PDE4D: variants seen among roughly 807,000 people sequenced by gnomAD.
The protein encoded by PDE4D is 3',5'-cyclic-AMP phosphodiesterase 4D.
In PDE4D, 24 loss-of-function variants were observed where a neutral mutation model predicts 87.4. The ratio of observed to expected loss-of-function variants is 0.27; its 90% CI spans 0.20 to 0.39. The LOEUF is 0.39. Among genes scored for constraint, PDE4D ranks in the 10% least tolerant of loss-of-function variants. PDE4D has a pLI of 1.00. For missense variants in PDE4D, 714 were observed against 1,041.0 expected, an observed-to-expected ratio of 0.69 and a Z score of 4.32; for synonymous variants, 384 against 383.2, an observed-to-expected ratio of 1.00 and a Z score of -0.02.
chr5:59,414,369 G>C (rs1793224045), intron 1 of PDE4D, among the ~76,000 whole-genome samples: 2 of 152,218 alleles, frequency 1.3e-5, no homozygotes, highest in South Asian at 4.1e-4. Context: ...ATTGCATCAT[G>C]CTCCGCAGTC....
intron 3 of PDE4D, among the ~76,000 whole-genome samples, chr5:59,946,212 G>C (rs943812276): frequency 7.2e-5 from 11 of 152,210 alleles, no homozygotes. Flanking sequence ...TGCCACCCAA[G>C]TGCTGAGACT....
intron 6 of PDE4D, among the ~76,000 whole-genome samples, chr5:59,007,287 T>C (rs2153360416): frequency 6.6e-6 from 1 of 152,314 alleles, no homozygotes; most frequent in East Asian, 1.9e-4. Context: ...AAAGTCGTGG[T>C]AGTTATTAAT....
intron 1 of PDE4D, among the ~76,000 whole-genome samples, chr5:59,583,239 G>T (rs542525119): frequency 6.6e-6 from 1 of 152,240 alleles, no homozygotes; most frequent in East Asian, 1.9e-4. Context: ...CACTGTGTTA[G>T]GTCATTCATG....
chr5:59,153,494 T>A (rs1779735408), intron 5 of PDE4D, among the ~76,000 whole-genome samples: 2 of 152,174 alleles, frequency 1.3e-5, no homozygotes, highest in Admixed American at 1.3e-4. Flanking sequence ...GCCAAAGGGA[T>A]TAAGAGACAC....
chr5:59,728,302 A>T (rs369575957), intron 1 of PDE4D, among the ~76,000 whole-genome samples: 6 of 152,240 alleles, frequency 3.9e-5, no homozygotes, highest in African/African-American at 9.6e-5. Flanking sequence ...AAAATAATAC[A>T]ACTTATACAA....
intron 2 of PDE4D, among the ~76,000 whole-genome samples, chr5:60,047,155 A>G (rs894345555): frequency 3.3e-4 from 51 of 152,276 alleles, no homozygotes; most frequent in African/African-American, 1.2e-3. Context: ...TTATTTGCGT[A>G]GAGGTGTTTG....
intron 1 of PDE4D, among the ~76,000 whole-genome samples, chr5:60,409,827 C>T (rs1168888209): frequency 2.0e-5 from 3 of 152,164 alleles, no homozygotes; most frequent in Non-Finnish European, 2.9e-5. Context: ...AAGATTTGGC[C>T]TAGAAGAGTG....
chr5:60,051,075 C>G (rs1476849473), intron 2 of PDE4D, among the ~76,000 whole-genome samples: 1 of 152,110 alleles, frequency 6.6e-6, no homozygotes, highest in Non-Finnish European at 1.5e-5. Flanking sequence ...CTTTTAGACT[C>G]CCACACAATA....
intron 5 of PDE4D, among the ~76,000 whole-genome samples, chr5:59,042,025 G>A (rs537254005): frequency 3.3e-5 from 5 of 151,956 alleles, no homozygotes; most frequent in African/African-American, 1.2e-4. Flanking sequence ...GATAAAATGG[G>A]GTAAGCATAT....
At chr5:59,157,391 G>T in intron 5 of PDE4D, 1 of 702,012 alleles carries the variant, frequency 1.4e-6, no homozygotes, top group South Asian at 1.5e-5. Flanking sequence ...GCAAACAAGT[G>T]ATCCGAAGAC....
chr5:60,520,275 C>G (rs985975932), intron 1 of PDE4D, among the ~76,000 whole-genome samples: 3 of 152,174 alleles, frequency 2.0e-5, no homozygotes, highest in African/African-American at 7.2e-5. Flanking sequence ...GTACCCCAAC[C>G]CACCCCATTT....
At chr5:60,408,496 A>G (rs986666826) in intron 1 of PDE4D, among the ~76,000 whole-genome samples, 2 of 152,184 alleles carry the variant, frequency 1.3e-5, no homozygotes, top group African/African-American at 4.8e-5. Context: ...TAGAAAGTAC[A>G]TATGTGACCT....
chr5:60,034,134 C>T (rs1200759992), intron 2 of PDE4D, among the ~76,000 whole-genome samples: 1 of 152,098 alleles, frequency 6.6e-6, no homozygotes, highest in Non-Finnish European at 1.5e-5. Flanking sequence ...GAAGGAAAAG[C>T]AGATATGTAA....
chr5:59,474,311 C>T (rs191475719), intron 1 of PDE4D, among the ~76,000 whole-genome samples: 63 of 152,182 alleles, frequency 4.1e-4, no homozygotes, highest in South Asian at 1.2e-3. Context: ...AAAAATAAGA[C>T]TCAAACCCTC....
At chr5:60,055,021 A>G (rs1185170319) in intron 2 of PDE4D, among the ~76,000 whole-genome samples, 2 of 152,124 alleles carry the variant, frequency 1.3e-5, no homozygotes, top group African/African-American at 2.4e-5. Flanking sequence ...GAAGAAATAA[A>G]AAAAAGGTTC....
At chr5:59,264,507 T>A (rs527869822) in intron 1 of PDE4D, among the ~76,000 whole-genome samples, 1 of 152,096 alleles carries the variant, frequency 6.6e-6, no homozygotes, top group South Asian at 2.1e-4. Context: ...TTTGTGTGTG[T>A]TTTATATTAC....
At chr5:60,509,651 G>A (rs79888246) in intron 1 of PDE4D, among the ~76,000 whole-genome samples, 2,822 of 151,734 alleles carry the variant, frequency 0.019, 76 homozygotes, top group African/African-American at 0.066. Flanking sequence ...CTGCTTCTTG[G>A]CTACACTTCT....
intron 1 of PDE4D, among the ~76,000 whole-genome samples, chr5:59,293,947 T>C (rs888584525): frequency 6.6e-6 from 1 of 152,158 alleles, no homozygotes; most frequent in Non-Finnish European, 1.5e-5. Context: ...CGCTCACCTA[T>C]TCTGGTGAAT....
chr5:60,371,438 GC>G (rs752479585), intron 1 of PDE4D, among the ~76,000 whole-genome samples: 28 of 152,086 alleles, frequency 1.8e-4, no homozygotes, highest in Non-Finnish European at 3.2e-4. Context: ...AAACAACTCA[GC>G]CTTTTTTTCC....
Sources: allele counts gnomAD v4.1 joint callset (sites outside exome capture counted in the v4.1 genomes callset), GRCh38; gene constraint gnomAD v4.1.1; transcripts MANE v1.5; gene names NCBI Gene and HGNC (gene_info 2026-07-23, HGNC 2026-07-21).